The following SLC9A9 variants were observed in gnomAD, a reference collection of about 807,000 sequenced individuals.
SLC9A9 encodes the protein sodium/hydrogen exchanger 9.
SLC9A9 carries 62 observed loss-of-function variants against 77.8 expected under a neutral mutation model. The observed-to-expected ratio is 0.80, with a 90% CI of 0.65 to 0.98. The LOEUF (loss-of-function observed/expected upper bound fraction) is 0.98. Ranked by LOEUF, SLC9A9 falls within the 50% of genes least tolerant of loss-of-function variation. The pLI, the probability that SLC9A9 is intolerant of heterozygous loss-of-function variation, is 0.00. For synonymous variants in SLC9A9, 320 were observed against 283.5 expected (o/e 1.13, Z -1.29); for missense variants, 775 against 774.9 (o/e 1.00, Z 0.00).
intron 9 of SLC9A9, chr3:143,517,158 T>C: frequency 2.0e-6 from 3 of 1,533,022 alleles, no homozygotes; most frequent in South Asian, 1.1e-5. Flanking sequence ...AATTTACTGA[T>C]GAGATTCATA....
At chr3:143,653,096 T>C (rs1381786696) in intron 5 of SLC9A9, among the ~76,000 whole-genome samples, 1 of 152,210 alleles carries the variant, frequency 6.6e-6, no homozygotes, top group African/African-American at 2.4e-5. Flanking sequence ...AATGGCCTAC[T>C]CCTGTGAAGG....
chr3:143,377,640 G>C (rs527929452), intron 13 of SLC9A9, among the ~76,000 whole-genome samples: 2 of 152,302 alleles, frequency 1.3e-5, no homozygotes, highest in South Asian at 4.1e-4. Flanking sequence ...AACAAGCATA[G>C]TGTTAGAAAA....
At chr3:143,654,756 T>C (rs543311522) in intron 5 of SLC9A9, among the ~76,000 whole-genome samples, 1 of 152,282 alleles carries the variant, frequency 6.6e-6, no homozygotes, top group East Asian at 1.9e-4. Flanking sequence ...CCATCTCCAC[T>C]TCCATGGAGG....
intron 4 of SLC9A9, among the ~76,000 whole-genome samples, chr3:143,794,146 T>C (rs111369425): frequency 3.3e-5 from 5 of 152,310 alleles, no homozygotes; most frequent in South Asian, 4.1e-4. Flanking sequence ...TTGGCCTCAA[T>C]TGACACACAC....
intron 8 of SLC9A9, among the ~76,000 whole-genome samples, chr3:143,565,318 G>T (rs1291014275): frequency 1.3e-5 from 2 of 152,116 alleles, no homozygotes; most frequent in Non-Finnish European, 2.9e-5. Flanking sequence ...CATGTTATTT[G>T]TGCCATCTTC....
chr3:143,725,394 C>G (rs1934615730), intron 4 of SLC9A9, among the ~76,000 whole-genome samples: 1 of 151,910 alleles, frequency 6.6e-6, no homozygotes, highest in African/African-American at 2.4e-5. Context: ...GGGTATATAC[C>G]CAAAGGACTA....
At chr3:143,598,372 A>G (rs554421232) in intron 6 of SLC9A9, among the ~76,000 whole-genome samples, 1 of 152,362 alleles carries the variant, frequency 6.6e-6, no homozygotes, top group Admixed American at 6.5e-5. Context: ...GATGTGTCTA[A>G]AAGTCCAGGT....
chr3:143,337,329 A>T (rs946662551), intron 14 of SLC9A9, among the ~76,000 whole-genome samples: 3 of 151,992 alleles, frequency 2.0e-5, no homozygotes, highest in Non-Finnish European at 2.9e-5. Context: ...GCCTTCTCTA[A>T]ATTGTATTTT....
intron 14 of SLC9A9, among the ~76,000 whole-genome samples, chr3:143,330,927 T>C (rs7431637): frequency 0.7 from 107,057 of 152,170 alleles, 39,305 homozygotes; most frequent in African/African-American, 0.92. Flanking sequence ...AAATAGTTTC[T>C]GCTCTGTAGT....
intron 11 of SLC9A9, among the ~76,000 whole-genome samples, chr3:143,476,842 C>A (rs1284532813): frequency 1.3e-5 from 2 of 152,108 alleles, no homozygotes; most frequent in Non-Finnish European, 2.9e-5. Flanking sequence ...CTACTATTAT[C>A]CAGTTGGTAG....
chr3:143,544,879 C>T (rs143685225), intron 9 of SLC9A9, among the ~76,000 whole-genome samples: 53 of 152,134 alleles, frequency 3.5e-4, no homozygotes, highest in South Asian at 1.0e-3. Context: ...TTCATTCTTC[C>T]GCATGTGGCA....
intron 6 of SLC9A9, among the ~76,000 whole-genome samples, chr3:143,642,164 C>A (rs1017997222): frequency 6.6e-6 from 1 of 152,192 alleles, no homozygotes; most frequent in South Asian, 2.1e-4. Flanking sequence ...GAATTTCCTG[C>A]AATACTTTGA....
At chr3:143,400,056 C>T (rs1282278269) in intron 12 of SLC9A9, among the ~76,000 whole-genome samples, 3 of 152,090 alleles carry the variant, frequency 2.0e-5, no homozygotes, top group Non-Finnish European at 2.9e-5. Context: ...AAGAAAAACG[C>T]TGTTAATTAT....
chr3:143,549,936 T>C (rs1268452978), intron 9 of SLC9A9, among the ~76,000 whole-genome samples: 2 of 152,198 alleles, frequency 1.3e-5, no homozygotes, highest in Non-Finnish European at 2.9e-5. Flanking sequence ...TCTGAAAGAC[T>C]ATATGTTGGA....
At chr3:143,782,115 G>A (rs1320269897) in intron 4 of SLC9A9, among the ~76,000 whole-genome samples, 1 of 152,118 alleles carries the variant, frequency 6.6e-6, no homozygotes, top group African/African-American at 2.4e-5. Flanking sequence ...ACCCAGATAT[G>A]TGCACAGACA....
At chr3:143,691,879 G>A (rs959077746) in intron 5 of SLC9A9, among the ~76,000 whole-genome samples, 1 of 151,970 alleles carries the variant, frequency 6.6e-6, no homozygotes, top group Admixed American at 6.6e-5. Flanking sequence ...AGTAATAAAA[G>A]CATCTTGTTC....
chr3:143,602,514 T>C (rs116177717), intron 6 of SLC9A9, among the ~76,000 whole-genome samples: 1,895 of 152,370 alleles, frequency 0.012, 42 homozygotes, highest in African/African-American at 0.044. Flanking sequence ...ACATTTTTAA[T>C]GCTTAAATAT....
Position 143,848,252 on chromosome 3 carries a change from A to T in SLC9A9, c.71T>A (p.Leu24Gln). Residue 24 changes from leucine (L) to glutamine (Q), a missense_variant, in exon 1 of 16, where the codon CTG (leucine) becomes CAG (glutamine). Coordinates refer to ENST00000316549, the MANE Select transcript of SLC9A9 (RefSeq NM_173653.4). ...YQFQHQGAVE[L>Q]LVFNFLLILT... ...GATGAGCAAAAAATTGAAGACAAGC[A>T]GCTCCACCGCTCCCTGATGTTGAAA... 3 of 1,614,024 alleles carry T rather than the reference A, an allele frequency of 1.9e-6. No homozygotes were observed. The highest frequency in any genetic ancestry group is 2.5e-6 in the Non-Finnish European group (3 of 1,179,950).
intron 11 of SLC9A9, among the ~76,000 whole-genome samples, chr3:143,488,650 A>G (rs1431830410): frequency 6.6e-6 from 1 of 152,018 alleles, no homozygotes; most frequent in Non-Finnish European, 1.5e-5. Flanking sequence ...AGAAAAGTAC[A>G]TGATCACCTC....
Sources: allele counts gnomAD v4.1 joint callset (sites outside exome capture counted in the v4.1 genomes callset), GRCh38; gene constraint gnomAD v4.1.1; transcripts MANE v1.5; gene names NCBI Gene and HGNC (gene_info 2026-07-23, HGNC 2026-07-21).